LATS2: variants seen among roughly 807,000 people sequenced by gnomAD.
LATS2 encodes serine/threonine-protein kinase LATS2.
Under a neutral mutation model 76.0 loss-of-function variants are expected in LATS2, and 24 were observed. The ratio of observed to expected loss-of-function variants is 0.32; its 90% CI spans 0.23 to 0.44. The LOEUF (loss-of-function observed/expected upper bound fraction) is 0.44, where lower values mean the gene tolerates loss of function less well. LATS2 is among the 20% of genes least tolerant of loss of function. The pLI is 1.00. For missense variants in LATS2, 1,286 were observed against 1,481.2 expected (o/e 0.87, Z 2.16); for synonymous variants, 692 against 635.4 (o/e 1.09, Z -1.34).
rs1478546985 is a variant in LATS2, at chr13:20,975,315, C to T, written c.2822G>A (p.Ser941Asn). 1.9e-6 allele frequency: 3 copies of T among 1,603,456 alleles called. No individual in the cohort carries two copies. The highest frequency in any genetic ancestry group is 1.1e-5 in the South Asian group (1 of 89,918). Residue 941 changes from serine to asparagine, a missense_variant, in exon 8 of 8, where the codon AGC becomes AAC. Physicochemically the swap from Ser to Asn is conservative, Grantham distance 46. Coordinates refer to ENST00000382592, the MANE Select transcript of LATS2 (RefSeq NM_014572.3). ...GGTGATGAGGTCCCTGGCCTCAGGGCTCAGCTTCACCTGGGCTGGAATGTG... is the reference window on the plus strand; with the variant it reads ...GGTGATGAGGTCCCTGGCCTCAGGGTTCAGCTTCACCTGGGCTGGAATGTG... ...TLHIPAQVKL[S>N]PEARDLITKL...
At chr13:21,012,203 G>A (rs1341545175) in intron 2 of LATS2, among the ~76,000 whole-genome samples, 1 of 151,996 alleles carries the variant, frequency 6.6e-6, no homozygotes, top group Non-Finnish European at 1.5e-5. Context: ...TCATATAAAA[G>A]ATTAAAAAAA....
chr13:21,045,660 T>C (rs1410433577), intron 2 of LATS2, 25 bp downstream of exon 2: 1 of 1,571,150 alleles, frequency 6.4e-7, no homozygotes, highest in Non-Finnish European at 8.7e-7. Context: ...CCTCTGCACA[T>C]GGCCCTGCAG....
chr13:20,998,685 T>C (rs921803114), intron 2 of LATS2, among the ~76,000 whole-genome samples: 4 of 152,190 alleles, frequency 2.6e-5, no homozygotes, highest in Non-Finnish European at 5.9e-5. Flanking sequence ...GCCCCTCCCC[T>C]GAGCGCGGCG....
At chr13:21,008,894 A>G (rs1412762090) in intron 2 of LATS2, among the ~76,000 whole-genome samples, 4 of 152,208 alleles carry the variant, frequency 2.6e-5, no homozygotes, top group Admixed American at 2.6e-4. Context: ...TACTCACTGT[A>G]CTTATGTCTG....
At chr13:20,980,888 T>C (rs1466628681) in intron 6 of LATS2, among the ~76,000 whole-genome samples, 2 of 152,188 alleles carry the variant, frequency 1.3e-5, no homozygotes, top group African/African-American at 4.8e-5. Context: ...CACTGAAGGA[T>C]TCCTCCTATA....
chr13:21,023,647 A>T (rs866256605), intron 2 of LATS2, among the ~76,000 whole-genome samples: 9 of 2,564 alleles, frequency 3.5e-3, no homozygotes, highest in East Asian at 0.01. Flanking sequence ...GACTGGCTTT[A>T]AAAAAAAAAA....
chr13:21,045,692 CA>C lies in LATS2; in HGVS notation c.334del (p.Cys112AlafsTer56). 1 of 1,613,182 alleles carries C rather than the reference CA, an allele frequency of 6.2e-7. No homozygotes were observed. Among genetic ancestry groups the C allele is most frequent in the Non-Finnish European group, 8.5e-7 (1 of 1,179,458 alleles). Reference protein sequence around the residue: ...QMLQELVNAGCDQEMAGRALK... With the variant: ...QMLQELVNAGXDQEMAGRALK... ...GCAGAGGTCTGTACCCACCTGGTCG[CA>C]TCCTGCGTTCACCAGTTCCTGCAGC... On this transcript the variant is annotated frameshift_variant, in exon 2 of 8. Transcript: ENST00000382592. LOFTEE classifies it high-confidence loss of function.
At chr13:20,985,199 G>C (rs1234064788) in intron 4 of LATS2, among the ~76,000 whole-genome samples, 1 of 152,144 alleles carries the variant, frequency 6.6e-6, no homozygotes, top group Non-Finnish European at 1.5e-5. Context: ...CAGGACATTG[G>C]TTTGAGCAAA....
At chr13:21,061,223 G>A (rs1448563677) in intron 1 of LATS2, 123 bp downstream of exon 1, 2 of 151,906 alleles carry the variant, frequency 1.3e-5, no homozygotes, top group African/African-American at 4.8e-5. Flanking sequence ...CCGCCCCGCC[G>A]GGCGCCCTTC....
intron 2 of LATS2, among the ~76,000 whole-genome samples, chr13:20,993,852 T>C (rs1318412337): frequency 6.6e-6 from 1 of 152,152 alleles, no homozygotes; most frequent in Non-Finnish European, 1.5e-5. Flanking sequence ...CTTTGTGGGA[T>C]CACCCTGGAG....
chr13:21,032,723 G>A (rs1872572789), intron 2 of LATS2, among the ~76,000 whole-genome samples: 1 of 152,154 alleles, frequency 6.6e-6, no homozygotes, highest in Non-Finnish European at 1.5e-5. Flanking sequence ...TGGTTCCCTG[G>A]ATGGTACCGA....
chr13:20,993,221 T>C (rs1033745469), intron 2 of LATS2, among the ~76,000 whole-genome samples: 2 of 152,062 alleles, frequency 1.3e-5, no homozygotes, highest in African/African-American at 4.8e-5. Flanking sequence ...GTGCCCATGA[T>C]CTGAATCGCA....
At chr13:20,981,079 A>G (rs1483008391) in intron 6 of LATS2, among the ~76,000 whole-genome samples, 1 of 152,220 alleles carries the variant, frequency 6.6e-6, no homozygotes, top group Non-Finnish European at 1.5e-5. Context: ...GGCACAACTC[A>G]GCCAGGAGCC....
At chr13:20,984,310 T>C (rs1870046316) in intron 4 of LATS2, among the ~76,000 whole-genome samples, 1 of 152,154 alleles carries the variant, frequency 6.6e-6, no homozygotes, top group African/African-American at 2.4e-5. Context: ...GTTCTTTCTC[T>C]AGGATACTTT....
chr13:20,975,828 C>T (rs536062985), intron 7 of LATS2, among the ~76,000 whole-genome samples: 29 of 152,090 alleles, frequency 1.9e-4, no homozygotes, highest in Non-Finnish European at 2.9e-4. Context: ...GGATTACAGG[C>T]GCCTGCCACC....
intron 3 of LATS2, among the ~76,000 whole-genome samples, chr13:20,990,651 G>A (rs1275076170): frequency 2.0e-5 from 3 of 151,954 alleles, no homozygotes; most frequent in Non-Finnish European, 4.4e-5. Flanking sequence ...ACTGCGCCTG[G>A]CCATGAATCC....
intron 2 of LATS2, among the ~76,000 whole-genome samples, chr13:21,044,526 T>G (rs952865982): frequency 2.6e-5 from 4 of 152,222 alleles, no homozygotes; most frequent in Admixed American, 6.5e-5. Flanking sequence ...CTTTCATGAA[T>G]CATTTCATAA....
chr13:20,984,913 C>T (rs1166277713), intron 4 of LATS2, among the ~76,000 whole-genome samples: 3 of 152,054 alleles, frequency 2.0e-5, no homozygotes, highest in African/African-American at 7.2e-5. Flanking sequence ...ATGTTACAAG[C>T]CTAGAGTAAC....
rs1211093516 is a variant in LATS2, at chr13:21,057,628, C to A, written c.-205+3718G>T. Among the ~76,000 whole-genome samples, 5 of 147,420 alleles carry A rather than the reference C, an allele frequency of 3.4e-5. No homozygotes were observed. In the East Asian group the frequency reaches 1.1e-3, roughly 33 times the overall value. Reference sequence around the variant, plus strand: ...CTACTACGGTGAAACCCCGTCTCTACTAAAAGTAAAAAAAAAAAAAAATTA... The same window carrying A: ...CTACTACGGTGAAACCCCGTCTCTAATAAAAGTAAAAAAAAAAAAAAATTA... On this transcript the variant is annotated intron_variant, in intron 1 of 7. Coordinates refer to ENST00000382592, the MANE Select transcript of LATS2 (RefSeq NM_014572.3).
Sources: allele counts gnomAD v4.1 joint callset (sites outside exome capture counted in the v4.1 genomes callset), GRCh38; gene constraint gnomAD v4.1.1; transcripts MANE v1.5; gene names NCBI Gene and HGNC (gene_info 2026-07-23, HGNC 2026-07-21).